CD55: variants seen among roughly 807,000 people sequenced by gnomAD.
The protein encoded by CD55 is CD55 molecule (Cromer blood group), also known as complement decay-accelerating factor.
Under a neutral mutation model 45.8 loss-of-function variants are expected in CD55, and 41 were observed. That is an observed-to-expected ratio of 0.90 (90% CI 0.70 to 1.16). The LOEUF is 1.16. Ranked by LOEUF, CD55 falls within the 50% of genes most tolerant of loss-of-function variation. The pLI is 0.00. For synonymous variants in CD55, 181 were observed against 181.1 expected (o/e 1.00, Z 0.01); for missense variants, 416 against 469.8 (o/e 0.89, Z 1.06).
At chr1:207,330,686 G>A (rs1654902459) in intron 5 of CD55, among the ~76,000 whole-genome samples, 2 of 152,108 alleles carry the variant, frequency 1.3e-5, no homozygotes, top group African/African-American at 4.8e-5. Flanking sequence ...TTTCTCCGCT[G>A]TTCTCTCTCA....
chr1:207,342,774 A>G (rs1655479513), intron 9 of CD55, among the ~76,000 whole-genome samples: 1 of 152,088 alleles, frequency 6.6e-6, no homozygotes, highest in African/African-American at 2.4e-5. Flanking sequence ...GAGAATTGGT[A>G]TTAGTTCTCT....
At chr1:207,348,039 G>T (rs1267559700) in intron 9 of CD55, among the ~76,000 whole-genome samples, 1 of 152,158 alleles carries the variant, frequency 6.6e-6, no homozygotes, top group Non-Finnish European at 1.5e-5. Flanking sequence ...GAACATATGT[G>T]TGCATATGTC....
chr1:207,329,173 T>C (rs981914639), intron 5 of CD55, among the ~76,000 whole-genome samples: 2 of 152,176 alleles, frequency 1.3e-5, no homozygotes, highest in Non-Finnish European at 2.9e-5. Context: ...TCCTGGAGCA[T>C]GTTCTGGAAT....
Position 207,325,654 on chromosome 1 carries a change from A to T in CD55, c.511A>T (p.Asn171Tyr), listed in dbSNP as rs771663673. 1 of 1,610,146 alleles carries T rather than the reference A, an allele frequency of 6.2e-7. No individual in the cohort carries two copies. The highest frequency in any genetic ancestry group is 1.1e-5 in the South Asian group (1 of 90,478). Residue 171 changes from asparagine to tyrosine, a missense_variant, in exon 4 of 10, where the codon AAT (asparagine) becomes TAT (tyrosine). Coordinates refer to ENST00000367064, the MANE Select transcript of CD55 (RefSeq NM_000574.5). ...KSCPNPGEIR[N>Y]GQIDVPGGIL... ...ATGCCCTAATCCGGGAGAAATACGA[A>T]ATGGTCAGATTGATGTACCAGGTGG...
Position 207,360,750 on chromosome 1 carries a change from A to G in CD55, c.*1140A>G, listed in dbSNP as rs74877368. 1.8e-4 allele frequency: 27 copies of G among 152,280 alleles called. No individual in the cohort carries two copies. The highest frequency in any genetic ancestry group is 6.3e-4 in the African/African-American group (26 of 41,550). 9.4% of individuals were successfully genotyped at this position (152,280 alleles called of 1,614,324 possible). A position where few individuals can be genotyped will look rare whatever the true frequency, so the allele number is the denominator to read the frequency against. ...TGATTAATTTCTAGGTTTTTACCAT[A>G]TTCTTGTCATCTTGCCAATTACATT... is the stretch of plus-strand genomic sequence containing the variant. On this transcript the variant is annotated 3_prime_UTR_variant, in exon 10 of 10. Transcript: ENST00000367064.
intron 9 of CD55, among the ~76,000 whole-genome samples, chr1:207,358,302 A>T (rs1656153822): frequency 6.6e-6 from 1 of 152,202 alleles, no homozygotes; most frequent in South Asian, 2.1e-4. Flanking sequence ...TTAAGACAGG[A>T]TATAGTTAAT....
intron 6 of CD55, among the ~76,000 whole-genome samples, chr1:207,335,804 A>G (rs1655145842): frequency 6.6e-6 from 1 of 152,144 alleles, no homozygotes; most frequent in South Asian, 2.1e-4. Context: ...ATCCTGGATG[A>G]TGTAATCTCT....
At chr1:207,335,615 T>A (rs1207504541) in intron 6 of CD55, among the ~76,000 whole-genome samples, 2 of 152,200 alleles carry the variant, frequency 1.3e-5, no homozygotes, top group African/African-American at 2.4e-5. Context: ...AAAAAAACTT[T>A]ACTTATCTTA....
chr1:207,337,681 C>G, intron 8 of CD55: 1 of 310,042 alleles, frequency 3.2e-6, no homozygotes, highest in Non-Finnish European at 5.9e-6. Context: ...AATTCTGTTT[C>G]CTGTAGTAGT....
intron 9 of CD55, among the ~76,000 whole-genome samples, chr1:207,345,119 T>C (rs1414068561): frequency 6.6e-6 from 1 of 152,200 alleles, no homozygotes; most frequent in Non-Finnish European, 1.5e-5. Context: ...TCTGTTGTTT[T>C]AGTAATAGAT....
intron 5 of CD55, among the ~76,000 whole-genome samples, chr1:207,328,711 TTTATC>T (rs1410345127): frequency 6.6e-6 from 1 of 152,228 alleles, no homozygotes; most frequent in East Asian, 1.9e-4. Context: ...GACCCTTCTC[TTTATC>T]TTAACTCCCC....
chr1:207,349,081 A>G (rs534196069), intron 9 of CD55, among the ~76,000 whole-genome samples: 1 of 152,050 alleles, frequency 6.6e-6, no homozygotes, highest in East Asian at 1.9e-4. Context: ...TTTAGAATGT[A>G]TATTTTTTAA....
At chr1:207,339,516 A>T in intron 9 of CD55, 99 bp downstream of exon 9, 1 of 944,158 alleles carries the variant, frequency 1.1e-6, no homozygotes, top group Non-Finnish European at 1.6e-6. Context: ...TTTTTAAAAA[A>T]ATGTATCCTG....
intron 9 of CD55, among the ~76,000 whole-genome samples, chr1:207,339,830 A>G (rs1655341934): frequency 1.3e-5 from 2 of 152,162 alleles, no homozygotes; most frequent in Non-Finnish European, 2.9e-5. Context: ...TTATCTTATA[A>G]TTTTTTAATT....
Position 207,359,468 on chromosome 1 carries a change from C to G in CD55, c.1082-78C>G, listed in dbSNP as rs1481575358. 3 of 1,362,244 alleles carry G rather than the reference C, an allele frequency of 2.2e-6. No individual in the cohort carries two copies. In the African/African-American group the frequency reaches 4.6e-5, roughly 21 times the overall value. The allele number at this position is 1,362,244 out of a possible 1,614,324, so 84.4% of individuals were successfully genotyped here. A position where few individuals can be genotyped will look rare whatever the true frequency, so the allele number is the denominator to read the frequency against. On this transcript the variant is annotated intron_variant, in intron 9 of 9. Coordinates refer to ENST00000367064, the MANE Select transcript of CD55 (RefSeq NM_000574.5). Reference sequence around the variant, plus strand: ...TTTTTGGTGATTTATCACATAGTAACTAAAAATTTATATTTATCACTAGTA... The same window carrying G: ...TTTTTGGTGATTTATCACATAGTAAGTAAAAATTTATATTTATCACTAGTA...
At chr1:207,342,335 A>G (rs766831605) in intron 9 of CD55, among the ~76,000 whole-genome samples, 9 of 152,176 alleles carry the variant, frequency 5.9e-5, no homozygotes, top group Non-Finnish European at 1.2e-4. Flanking sequence ...TTACAGCATT[A>G]TGTTGAATAG....
intron 9 of CD55, among the ~76,000 whole-genome samples, chr1:207,346,891 A>T (rs1254570027): frequency 6.6e-6 from 1 of 152,160 alleles, no homozygotes; most frequent in East Asian, 1.9e-4. Context: ...ACGAGAATCA[A>T]GGGACTCCTG....
At chr1:207,343,094 G>C (rs1449836016) in intron 9 of CD55, among the ~76,000 whole-genome samples, 2 of 151,706 alleles carry the variant, frequency 1.3e-5, no homozygotes, top group Non-Finnish European at 2.9e-5. Flanking sequence ...TTCTTGGTTA[G>C]TCTAGCAAGT....
At chr1:207,341,193 ATAT>A (rs1375575444) in intron 9 of CD55, among the ~76,000 whole-genome samples, 1 of 152,116 alleles carries the variant, frequency 6.6e-6, no homozygotes, top group Non-Finnish European at 1.5e-5. Flanking sequence ...TAGTTTATAG[ATAT>A]TTTCTTCCAT....
Sources: allele counts gnomAD v4.1 joint callset (sites outside exome capture counted in the v4.1 genomes callset), GRCh38; gene constraint gnomAD v4.1.1; transcripts MANE v1.5; gene names NCBI Gene and HGNC (gene_info 2026-07-23, HGNC 2026-07-21).